The following MACROD2 variants were observed in gnomAD, a reference collection of about 807,000 sequenced individuals.
The protein encoded by MACROD2 is mono-ADP ribosylhydrolase 2, also known as ADP-ribose glycohydrolase MACROD2.
Under a neutral mutation model 70.4 loss-of-function variants are expected in MACROD2, and 36 were observed. The ratio of observed to expected loss-of-function variants is 0.51; its 90% confidence interval spans 0.39 to 0.68. The LOEUF is 0.68. Ranked by LOEUF, MACROD2 falls within the 30% of genes least tolerant of loss-of-function variation. The probability of loss-of-function intolerance (pLI) is 0.00; values close to 1 mark genes in which losing one functional copy is unlikely to be tolerated. For missense variants in MACROD2, 496 were observed against 538.4 expected, an observed-to-expected ratio of 0.92 and a Z score of 0.78; for synonymous variants, 172 against 178.8, an observed-to-expected ratio of 0.96 and a Z score of 0.30.
chr20:15,244,722 T>C (rs2077090646), intron 6 of MACROD2, among the ~76,000 whole-genome samples: 1 of 152,210 alleles, frequency 6.6e-6, no homozygotes, highest in Non-Finnish European at 1.5e-5. Context: ...ATTAAGAATT[T>C]TACCTAACTA....
At chr20:15,267,056 A>G (rs999690350) in intron 6 of MACROD2, among the ~76,000 whole-genome samples, 1 of 152,202 alleles carries the variant, frequency 6.6e-6, no homozygotes, top group African/African-American at 2.4e-5. Flanking sequence ...GCAAGAGGGG[A>G]TGGGCAGGAA....
At chr20:15,162,492 C>G (rs563103355) in intron 5 of MACROD2, among the ~76,000 whole-genome samples, 2 of 152,208 alleles carry the variant, frequency 1.3e-5, no homozygotes, top group East Asian at 1.9e-4. Flanking sequence ...ATGTCCATGA[C>G]TACTACAAAT....
chr20:14,173,703 T>C (rs2081241505), intron 3 of MACROD2, among the ~76,000 whole-genome samples: 1 of 152,180 alleles, frequency 6.6e-6, no homozygotes, highest in African/African-American at 2.4e-5. Context: ...TGTTTTGTCA[T>C]ATTACCAGAA....
intron 5 of MACROD2, among the ~76,000 whole-genome samples, chr20:15,081,585 A>G (rs2075703995): frequency 6.6e-6 from 1 of 152,142 alleles, no homozygotes; most frequent in African/African-American, 2.4e-5. Flanking sequence ...AAGCTGGGGA[A>G]TGGAGAAGGA....
chr20:14,185,930 G>T (rs2081340638), intron 3 of MACROD2, among the ~76,000 whole-genome samples: 1 of 151,726 alleles, frequency 6.6e-6, no homozygotes, highest in African/African-American at 2.4e-5. Context: ...TATTTTTTTT[G>T]AAACTTTTAA....
rs1351223969 is a variant in MACROD2 at position 15,149,182 on chromosome 20, G to A, written c.419-80758G>A. On this transcript the variant is annotated intron_variant, in intron 5 of 17. Coordinates refer to ENST00000684519, the MANE Select transcript of MACROD2 (RefSeq NM_001351661.2). ...GCTTGGTGTGTAGGGAAGGGAGGGG[G>A]CCTGAATAATCCCTGAGGAGTAGTA... Among the ~76,000 whole-genome samples the A allele has an allele frequency of 2.6e-5, 4 of 151,994 alleles. 1 individual carries two copies. The highest frequency in any genetic ancestry group is 9.7e-5 in the African/African-American group (4 of 41,266).
chr20:14,742,868 G>A (rs2071750360), intron 5 of MACROD2, among the ~76,000 whole-genome samples: 1 of 151,240 alleles, frequency 6.6e-6, no homozygotes, highest in African/African-American at 2.4e-5. Context: ...CCGGGTTCAC[G>A]CCATTCTCCT....
intron 5 of MACROD2, among the ~76,000 whole-genome samples, chr20:14,901,198 A>G (rs866943262): frequency 6.6e-6 from 1 of 152,086 alleles, no homozygotes; most frequent in African/African-American, 2.4e-5. Flanking sequence ...TGCAGTAAAC[A>G]CTATTGCAGC....
chr20:15,180,722 C>T (rs1601185980), intron 5 of MACROD2, among the ~76,000 whole-genome samples: 1 of 152,366 alleles, frequency 6.6e-6, no homozygotes, highest in East Asian at 1.9e-4. Flanking sequence ...AACTCCTGAC[C>T]TCAAGTGATC....
intron 8 of MACROD2, among the ~76,000 whole-genome samples, chr20:15,744,693 TACACACACACACACACAC>T (rs11467530): frequency 2.0e-4 from 29 of 148,334 alleles, no homozygotes; most frequent in East Asian, 6.0e-4. Flanking sequence ...AAACCAAGTA[TACACACACACACACACAC>T]ACACACACAC....
At chr20:14,505,828 A>G (rs1355200591) in intron 4 of MACROD2, among the ~76,000 whole-genome samples, 1 of 152,222 alleles carries the variant, frequency 6.6e-6, no homozygotes, top group Non-Finnish European at 1.5e-5. Flanking sequence ...AGATTGGTAA[A>G]TCCTCTCTCC....
chr20:15,560,762 C>CAAAAAAAAAAAAAAAAAAAAAAAAAAAA (rs71190190), intron 8 of MACROD2, among the ~76,000 whole-genome samples: 1 of 22,092 alleles, frequency 4.5e-5, no homozygotes, highest in Non-Finnish European at 9.6e-5. Context: ...AACAAAGTCT[C>CAAAAAAAAAAAAAAAAAAAAAAAAAAAA]AAAAAAAAAA....
At chr20:15,072,837 C>A (rs2075629106) in intron 5 of MACROD2, among the ~76,000 whole-genome samples, 1 of 152,106 alleles carries the variant, frequency 6.6e-6, no homozygotes, top group Non-Finnish European at 1.5e-5. Flanking sequence ...ATGTGTCCCC[C>A]AAAGTTTGTG....
intron 4 of MACROD2, among the ~76,000 whole-genome samples, chr20:14,568,618 A>G (rs1171266672): frequency 6.6e-6 from 1 of 152,018 alleles, no homozygotes; most frequent in Admixed American, 6.6e-5. Context: ...TCAAACATGA[A>G]ATCTTTATAA....
chr20:14,776,456 A>G (rs2072235651), intron 5 of MACROD2, among the ~76,000 whole-genome samples: 1 of 152,034 alleles, frequency 6.6e-6, no homozygotes, highest in African/African-American at 2.4e-5. Flanking sequence ...GATACACAAT[A>G]ATGACAATAA....
At chr20:15,940,538 C>T (rs6043630) in intron 12 of MACROD2, among the ~76,000 whole-genome samples, 24,581 of 152,182 alleles carry the variant, frequency 0.16, 2,091 homozygotes, top group South Asian at 0.29. Flanking sequence ...ATTACCACAG[C>T]TACCTCAACC....
intron 6 of MACROD2, among the ~76,000 whole-genome samples, chr20:15,422,671 T>C (rs958179914): frequency 6.6e-6 from 1 of 152,204 alleles, no homozygotes; most frequent in Non-Finnish European, 1.5e-5. Context: ...CTGCCTCCCA[T>C]GTCCAAACAC....
chr20:15,480,303 T>A (rs2047079449), intron 7 of MACROD2, among the ~76,000 whole-genome samples: 1 of 152,208 alleles, frequency 6.6e-6, no homozygotes, highest in Admixed American at 6.5e-5. Flanking sequence ...CCGCCGCTTC[T>A]TAACTCTTCG....
At chr20:15,961,135 T>G (rs2066054686) in intron 12 of MACROD2, among the ~76,000 whole-genome samples, 1 of 152,244 alleles carries the variant, frequency 6.6e-6, no homozygotes, top group African/African-American at 2.4e-5. Context: ...TATTTTAAAA[T>G]TATATTCAAT....
Sources: allele counts gnomAD v4.1 joint callset (sites outside exome capture counted in the v4.1 genomes callset), GRCh38; gene constraint gnomAD v4.1.1; transcripts MANE v1.5; gene names NCBI Gene and HGNC (gene_info 2026-07-23, HGNC 2026-07-21).